Variants in SMIM3 observed in about 807,000 individuals in gnomAD.
SMIM3 encodes small integral membrane protein 3, also known as NGF-induced differentiation clone 67 protein.
Under a neutral mutation model 2.1 loss-of-function variants are expected in SMIM3, and 4 were observed. That is an observed-to-expected ratio of 1.89 (90% CI 0.93 to 4.31). The LOEUF (loss-of-function observed/expected upper bound fraction) is 4.31. Among genes scored for constraint, SMIM3 ranks in the 30% most tolerant of loss-of-function variants. The pLI is 0.01. For missense variants in SMIM3, 79 were observed against 77.7 expected (o/e 1.02, Z -0.06); for synonymous variants, 29 against 30.8 (o/e 0.94, Z 0.19).
intron 1 of SMIM3, among the ~76,000 whole-genome samples, chr5:150,782,768 A>G (rs974724300): frequency 1.2e-4 from 19 of 152,200 alleles, no homozygotes; most frequent in Non-Finnish European, 2.2e-4. Flanking sequence ...TCTTCAGTCA[A>G]TTAGGTTCCA....
At chr5:150,791,351 T>C (rs1213022507) in intron 1 of SMIM3, among the ~76,000 whole-genome samples, 2 of 152,212 alleles carry the variant, frequency 1.3e-5, no homozygotes, top group African/African-American at 4.8e-5. Flanking sequence ...TCTCAGTACT[T>C]ATTTATTCCT....
intron 1 of SMIM3, among the ~76,000 whole-genome samples, chr5:150,782,655 C>G (rs902970946): frequency 6.6e-6 from 1 of 152,084 alleles, no homozygotes; most frequent in Middle Eastern, 3.2e-3. Context: ...TACAAAGAGC[C>G]CAGAAAATGA....
chr5:150,784,403 A>G (rs1408180905), intron 1 of SMIM3, among the ~76,000 whole-genome samples: 2 of 152,134 alleles, frequency 1.3e-5, no homozygotes, highest in Non-Finnish European at 1.5e-5. Flanking sequence ...GTATCTCATC[A>G]ACTCTGGGCT....
intron 1 of SMIM3, among the ~76,000 whole-genome samples, chr5:150,786,139 A>C (rs1489251700): frequency 1.3e-5 from 2 of 151,578 alleles, no homozygotes; most frequent in African/African-American, 4.9e-5. Context: ...GTTTATCCTT[A>C]CTTCATTCTA....
intron 1 of SMIM3, among the ~76,000 whole-genome samples, chr5:150,794,142 A>G (rs1182746647): frequency 6.6e-6 from 1 of 151,986 alleles, no homozygotes; most frequent in African/African-American, 2.4e-5. Context: ...TCCTGCAAGA[A>G]TGGCCATAAT....
At chr5:150,793,641 C>G (rs1397139012) in intron 1 of SMIM3, among the ~76,000 whole-genome samples, 1 of 152,166 alleles carries the variant, frequency 6.6e-6, no homozygotes, top group Admixed American at 6.5e-5. Flanking sequence ...GAAACTGGAT[C>G]CTCATCTCTC....
chr5:150,788,469 T>C (rs1245321863), intron 1 of SMIM3, among the ~76,000 whole-genome samples: 1 of 151,384 alleles, frequency 6.6e-6, no homozygotes, highest in Non-Finnish European at 1.5e-5. Context: ...ACCTTATCTC[T>C]ACAAAAAATA....
intron 1 of SMIM3, among the ~76,000 whole-genome samples, chr5:150,781,080 C>T (rs1165103564): frequency 1.3e-5 from 2 of 152,208 alleles, no homozygotes; most frequent in Non-Finnish European, 2.9e-5. Context: ...TCATCACCTC[C>T]ATTTTATGGA....
chr5:150,785,268 A>G (rs1055895185), intron 1 of SMIM3, among the ~76,000 whole-genome samples: 1 of 151,514 alleles, frequency 6.6e-6, no homozygotes, highest in Non-Finnish European at 1.5e-5. Context: ...TTGTATTTTT[A>G]GTAGAGACAG....
intron 1 of SMIM3, among the ~76,000 whole-genome samples, chr5:150,781,644 G>T (rs1753233670): frequency 6.6e-6 from 1 of 152,144 alleles, no homozygotes; most frequent in African/African-American, 2.4e-5. Context: ...TGGTGGTGGT[G>T]GTGGTGGGCA....
chr5:150,796,701 A>G lies in SMIM3; in HGVS notation c.*1078A>G, dbSNP rs1022945884. ...TACTTTGATGTGATCTCATTGATGT[A>G]CACAACCAAGTTCCAATAAAGTGCT... On this transcript the variant is annotated 3_prime_UTR_variant, in exon 2 of 2. Transcript: ENST00000526627. The G allele has an allele frequency of 2.0e-5, 3 of 152,376 alleles. No homozygotes were observed. Among genetic ancestry groups the G allele is most frequent in the African/African-American group, 7.2e-5 (3 of 41,462 alleles). 9.4% of individuals were successfully genotyped at this position (152,376 alleles called of 1,614,324 possible). A position where few individuals can be genotyped will look rare whatever the true frequency, so the allele number is the denominator to read the frequency against.
intron 1 of SMIM3, among the ~76,000 whole-genome samples, chr5:150,794,077 C>T (rs1212156825): frequency 3.3e-5 from 5 of 152,158 alleles, no homozygotes; most frequent in Non-Finnish European, 7.4e-5. Flanking sequence ...AAATGATCAA[C>T]ATCACTAATG....
chr5:150,781,803 G>A (rs1753236406), intron 1 of SMIM3, among the ~76,000 whole-genome samples: 1 of 152,180 alleles, frequency 6.6e-6, no homozygotes, highest in Non-Finnish European at 1.5e-5. Flanking sequence ...AGTCTCCTTT[G>A]TTAGCCCGAC....
chr5:150,782,319 A>G (rs1235659868), intron 1 of SMIM3, among the ~76,000 whole-genome samples: 1 of 152,166 alleles, frequency 6.6e-6, no homozygotes, highest in Non-Finnish European at 1.5e-5. Flanking sequence ...CCAAGAGTAA[A>G]TGTGAAGCTG....
At chr5:150,786,527 T>C (rs556281591) in intron 1 of SMIM3, among the ~76,000 whole-genome samples, 1 of 152,240 alleles carries the variant, frequency 6.6e-6, no homozygotes, top group Non-Finnish European at 1.5e-5. Context: ...GCTCAAGTGA[T>C]CCACCTGCCT....
intron 1 of SMIM3, among the ~76,000 whole-genome samples, chr5:150,781,476 G>A (rs11952896): frequency 0.16 from 24,212 of 152,154 alleles, 3,633 homozygotes; most frequent in African/African-American, 0.39. Context: ...TAGATTCCAC[G>A]TCTAAACCAT....
chr5:150,783,374 C>T (rs1753256298), intron 1 of SMIM3, among the ~76,000 whole-genome samples: 2 of 152,232 alleles, frequency 1.3e-5, no homozygotes, highest in African/African-American at 4.8e-5. Context: ...ACAATGCTGG[C>T]AAACCCTCTA....
chr5:150,790,964 CA>C lies in SMIM3; in HGVS notation c.-11-4457del, dbSNP rs955103390. Among the ~76,000 whole-genome samples, 245 of 149,062 alleles carry C rather than the reference CA, an allele frequency of 1.6e-3. 1 individual carries two copies. The highest frequency in any genetic ancestry group is 6.9e-3 in the Middle Eastern group (2 of 288). ...AGATGGAGAATTATTAAGACAAAAA[CA>C]AAAAAAAAGCCTCTTTGCCCCCTTA... On this transcript the variant is annotated intron_variant, in intron 1 of 1. Coordinates refer to ENST00000526627, the MANE Select transcript of SMIM3 (RefSeq NM_032947.5).
At chr5:150,784,042 C>G (rs1753265063) in intron 1 of SMIM3, among the ~76,000 whole-genome samples, 1 of 151,704 alleles carries the variant, frequency 6.6e-6, no homozygotes, top group Non-Finnish European at 1.5e-5. Flanking sequence ...CCTCAGCCTC[C>G]CGAGTAGCTG....
Sources: gnomAD v4.1 joint callset for allele counts (sites outside exome capture counted in the v4.1 genomes callset) on GRCh38, gnomAD v4.1.1 for gene constraint, MANE v1.5 for transcripts, NCBI Gene and HGNC (gene_info 2026-07-23, HGNC 2026-07-21) for gene names.